Variants in PGM5 observed in about 807,000 individuals in gnomAD.
The protein encoded by PGM5 is phosphoglucomutase 5.
PGM5 carries 23 observed loss-of-function variants against 59.2 expected under a neutral mutation model. The ratio of observed to expected loss-of-function variants is 0.39; its 90% CI spans 0.28 to 0.55. The LOEUF is 0.55. Among genes scored for constraint, PGM5 ranks in the 20% least tolerant of loss-of-function variants. PGM5 has a pLI of 0.66. For missense variants in PGM5, 574 were observed against 748.3 expected (o/e 0.77, Z 2.72); for synonymous variants, 214 against 286.0 (o/e 0.75, Z 2.54).
At chr9:68,452,275 A>G (rs1220306310) in intron 6 of PGM5, among the ~76,000 whole-genome samples, 1 of 152,140 alleles carries the variant, frequency 6.6e-6, no homozygotes, top group Admixed American at 6.5e-5. Flanking sequence ...TCTGGCAGTT[A>G]GTCCCTGAAG....
chr9:68,476,818 G>C (rs184369366), intron 7 of PGM5, among the ~76,000 whole-genome samples: 4 of 152,272 alleles, frequency 2.6e-5, no homozygotes, highest in Admixed American at 1.3e-4. Context: ...CCACCTAAAA[G>C]AACTTTATGT....
At chr9:68,493,665 A>G (rs917876665) in intron 9 of PGM5, among the ~76,000 whole-genome samples, 18 of 152,220 alleles carry the variant, frequency 1.2e-4, no homozygotes, top group African/African-American at 4.1e-4. Context: ...ACTGCTTTTT[A>G]GGAAACTAAG....
At chr9:68,457,818 T>A (rs1823802166) in intron 6 of PGM5, among the ~76,000 whole-genome samples, 1 of 152,078 alleles carries the variant, frequency 6.6e-6, no homozygotes, top group African/African-American at 2.4e-5. Context: ...TTTTTTAAGC[T>A]TCAGTAAGAG....
At chr9:68,415,543 G>T (rs531997325) in intron 6 of PGM5, among the ~76,000 whole-genome samples, 1 of 142,220 alleles carries the variant, frequency 7.0e-6, no homozygotes, top group South Asian at 2.2e-4. Context: ...CCACAGGTAG[G>T]GAGCTTGCAG....
rs189468508 is a variant in PGM5, at chr9:68,478,770, G to A, written c.1160-648G>A. ...TAAGAATGTTTATCATTGGATTTAG[G>A]TGCTTGAGATAATCTCACCTCAAGA... On this transcript the variant is annotated intron_variant, in intron 7 of 10. Coordinates refer to ENST00000396396, the MANE Select transcript of PGM5 (RefSeq NM_021965.4). Among the ~76,000 whole-genome samples, 444 of 152,236 alleles carry A rather than the reference G, an allele frequency of 2.9e-3. 3 individuals carry two copies. The highest frequency in any genetic ancestry group is 7.8e-3 in the Admixed American group (120 of 15,294).
At chr9:68,498,733 C>G (rs1479732161) in intron 9 of PGM5, 8 of 155,664 alleles carry the variant, frequency 5.1e-5, no homozygotes, top group East Asian at 1.9e-4. Context: ...GGCTCCAGCC[C>G]TGGGCACTTC....
chr9:68,425,017 T>C (rs1217188102), intron 6 of PGM5, among the ~76,000 whole-genome samples: 1 of 152,198 alleles, frequency 6.6e-6, no homozygotes, highest in Non-Finnish European at 1.5e-5. Context: ...CTCTAGCTCT[T>C]CATTTGTTAT....
chr9:68,445,953 G>A lies in PGM5; in HGVS notation c.1044-19140G>A, dbSNP rs371935883. On this transcript the variant is annotated intron_variant, in intron 6 of 10. Transcript: ENST00000396396. ...TCAAGGTGTTCCTTACAGACATGTG[G>A]TTTACAAATGGTGAAGGAATATTTT... Among the ~76,000 whole-genome samples, 46 of 152,326 alleles carry A rather than the reference G, an allele frequency of 3.0e-4. 1 individual carries two copies. The South Asian group carries it at 7.9e-3, about 26-fold the overall frequency.
chr9:68,403,715 TG>T (rs1822733264), intron 6 of PGM5, among the ~76,000 whole-genome samples: 1 of 152,246 alleles, frequency 6.6e-6, no homozygotes, highest in East Asian at 1.9e-4. Flanking sequence ...ATTCCTTATT[TG>T]TGAGGGCAGG....
intron 1 of PGM5, among the ~76,000 whole-genome samples, chr9:68,376,801 CTTT>C: frequency 9.2e-6 from 1 of 108,950 alleles, no homozygotes; most frequent in African/African-American, 3.7e-5. Context: ...TTCTTTCTTT[CTTT>C]CTTTCTTTCT....
intron 10 of PGM5, among the ~76,000 whole-genome samples, chr9:68,506,866 T>A (rs1216236866): frequency 3.3e-5 from 5 of 152,174 alleles, no homozygotes; most frequent in African/African-American, 1.2e-4. Flanking sequence ...GTATATATGA[T>A]TTAAAGAGCT....
intron 1 of PGM5, among the ~76,000 whole-genome samples, chr9:68,368,688 A>G (rs1554676916): frequency 6.6e-6 from 1 of 151,854 alleles, no homozygotes; most frequent in Non-Finnish European, 1.5e-5. Context: ...TCTGTCATCC[A>G]GGCTGGAGTG....
At position 68,387,588 on chromosome 9, in the gene PGM5, G is replaced by A; in HGVS notation, c.697G>A (p.Val233Ile). 2 of 1,611,654 alleles carry A rather than the reference G, an allele frequency of 1.2e-6. No homozygotes were observed. The highest frequency in any genetic ancestry group is 1.7e-6 in the Non-Finnish European group (2 of 1,178,330). The change falls in exon 4 of 11, where the codon GTT becomes ATT. Residue 233 changes from valine to isoleucine, a missense_variant and splice_region_variant. This residue lies in a region of PGM5 where 103 missense variants were observed against 112.4 expected (regional missense o/e 0.92). Transcript: ENST00000396396. ...LKIRIDAMHG[V>I]MGPYVRKVLC... ...GATTCGCATTGACGCAATGCACGGA[G>A]GTAAGCTTGTGATTTTCTCCAAATC...
Position 68,529,584 on chromosome 9 carries a change from C to G in PGM5, c.1632C>G (p.Leu544=). Residue 544 remains leucine, a synonymous_variant, in exon 11 of 11, where the codon CTC becomes CTG. Coordinates refer to ENST00000396396, the MANE Select transcript of PGM5 (RefSeq NM_021965.4). ...DQEPQAVLSP[L]IAIALKISQI... ...TTTTGCAGGCAGTGCTGAGCCCTCT[C>G]ATAGCCATCGCACTGAAAATATCCC... is the stretch of plus-strand genomic sequence containing the variant. 6.3e-7 allele frequency: 1 copy of G among 1,596,952 alleles called. No homozygotes were observed. Among genetic ancestry groups the G allele is most frequent in the East Asian group, 2.2e-5 (1 of 44,708 alleles).
chr9:68,417,523 T>C (rs1554682074), intron 6 of PGM5, among the ~76,000 whole-genome samples: 1 of 152,166 alleles, frequency 6.6e-6, no homozygotes, highest in Non-Finnish European at 1.5e-5. Flanking sequence ...TGCGTATCCT[T>C]TCATTTCCAT....
At chr9:68,432,717 T>C (rs7854926) in intron 6 of PGM5, among the ~76,000 whole-genome samples, 3,632 of 152,180 alleles carry the variant, frequency 0.024, 132 homozygotes, top group African/African-American at 0.081. Flanking sequence ...GCCATTCTCC[T>C]GTCTCATCTT....
intron 8 of PGM5, among the ~76,000 whole-genome samples, chr9:68,482,706 C>G (rs1427450124): frequency 6.6e-6 from 1 of 152,222 alleles, no homozygotes; most frequent in Non-Finnish European, 1.5e-5. Context: ...CCTTCTTAAA[C>G]AGACAGTCCT....
chr9:68,425,583 G>C (rs10868796), intron 6 of PGM5, among the ~76,000 whole-genome samples: 71,331 of 152,018 alleles, frequency 0.47, 17,675 homozygotes, highest in South Asian at 0.56. Flanking sequence ...CCTATCCTAA[G>C]CATTATCCTA....
chr9:68,427,788 C>A (rs1327392128), intron 6 of PGM5, among the ~76,000 whole-genome samples: 3 of 152,092 alleles, frequency 2.0e-5, no homozygotes, highest in Admixed American at 6.5e-5. Context: ...TGGATGAAAA[C>A]CAATCCTAGG....
Sources: allele counts gnomAD v4.1 joint callset (sites outside exome capture counted in the v4.1 genomes callset), GRCh38; gene constraint gnomAD v4.1.1; regional missense constraint gnomAD v4.1.1; transcripts MANE v1.5; gene names NCBI Gene and HGNC (gene_info 2026-07-23, HGNC 2026-07-21).